Variants in GNA12 observed in about 807,000 individuals in gnomAD.
GNA12 encodes G protein subunit alpha 12.
In GNA12, 9 loss-of-function variants were observed where a neutral mutation model predicts 26.0. That is an observed-to-expected ratio of 0.35 (90% CI 0.21 to 0.60). The LOEUF is 0.60. Among genes scored for constraint, GNA12 ranks in the 20% least tolerant of loss-of-function variants. The pLI, the probability that GNA12 is intolerant of heterozygous loss-of-function variation, is 0.78. For synonymous variants in GNA12, 264 were observed against 219.6 expected (o/e 1.20, Z -1.79); for missense variants, 405 against 525.8 (o/e 0.77, Z 2.25).
In GNA12 at chr7:2,728,160, G is replaced by A. The variant is rs1357056050; in HGVS notation, c.*3021C>T. The A allele has an allele frequency of 2.0e-5, 3 of 152,278 alleles. No homozygotes were observed. Among genetic ancestry groups the A allele is most frequent in the Non-Finnish European group, 2.9e-5 (2 of 68,026 alleles). 9.4% of individuals were successfully genotyped at this position (152,278 alleles called of 1,614,324 possible). On this transcript the variant is annotated 3_prime_UTR_variant, in exon 4 of 4. Transcript: ENST00000275364. The stretch of plus-strand genomic sequence containing the variant: ...ATTTTAATAAACATTCAGAGGCTGA[G>A]GGTGGCCAAATTTTCAAGCCAGACC...
chr7:2,768,079 T>G (rs1180728161), intron 2 of GNA12, among the ~76,000 whole-genome samples: 1 of 152,222 alleles, frequency 6.6e-6, no homozygotes, highest in East Asian at 1.9e-4. Flanking sequence ...GGTCTCGAAC[T>G]CCTGACCTCA....
intron 2 of GNA12, among the ~76,000 whole-genome samples, chr7:2,787,593 A>G (rs937698990): frequency 6.6e-6 from 1 of 152,216 alleles, no homozygotes; most frequent in Non-Finnish European, 1.5e-5. Context: ...CCACTCTGGG[A>G]AGCTACGTTG....
At position 2,769,902 on chromosome 7, in the gene GNA12, G is replaced by A. The variant is rs537472155; in HGVS notation, c.525+25026C>T. 5.9e-5 allele frequency among the ~76,000 whole-genome samples: 9 copies of A among 152,256 alleles called. No homozygotes were observed. In the East Asian group the frequency reaches 1.7e-3, roughly 29 times the overall value. ...GAATTTTTTTCTGAATTTGATGGGT[G>A]AAAAGTGATATGTCATTACATTTTA... On this transcript the variant is annotated intron_variant, in intron 2 of 3. Transcript: ENST00000275364.
At chr7:2,734,163 A>C (rs899281322) in intron 2 of GNA12, among the ~76,000 whole-genome samples, 13 of 152,196 alleles carry the variant, frequency 8.5e-5, no homozygotes, top group Non-Finnish European at 1.5e-4. Flanking sequence ...GGCCCTGCGG[A>C]ATCACCCAGG....
chr7:2,735,501 C>T (rs992692416), intron 2 of GNA12, among the ~76,000 whole-genome samples: 1 of 152,164 alleles, frequency 6.6e-6, no homozygotes, highest in African/African-American at 2.4e-5. Context: ...GGAAAAGCAC[C>T]ACAGAGGGCA....
chr7:2,780,642 T>C (rs1003663835), intron 2 of GNA12, among the ~76,000 whole-genome samples: 5 of 152,214 alleles, frequency 3.3e-5, no homozygotes, highest in African/African-American at 4.8e-5. Context: ...TGTATGAATG[T>C]AAACACACTA....
intron 2 of GNA12, chr7:2,775,147 G>A (rs187273656): frequency 6.6e-6 from 1 of 152,276 alleles, no homozygotes; most frequent in Admixed American, 6.5e-5. Context: ...GGAGGAGGAC[G>A]CTAGAGAAAC....
chr7:2,828,101 G>C (rs566361597), intron 1 of GNA12, among the ~76,000 whole-genome samples: 1 of 152,094 alleles, frequency 6.6e-6, no homozygotes, highest in East Asian at 1.9e-4. Flanking sequence ...AAGATGTTGT[G>C]GTCTCCTTGG....
intron 1 of GNA12, among the ~76,000 whole-genome samples, chr7:2,813,244 T>C (rs1443447904): frequency 6.6e-6 from 1 of 152,234 alleles, no homozygotes; most frequent in Non-Finnish European, 1.5e-5. Flanking sequence ...ATTTTCAAGC[T>C]CTAAGATGAA....
At chr7:2,819,922 A>G (rs956913939) in intron 1 of GNA12, among the ~76,000 whole-genome samples, 3 of 152,212 alleles carry the variant, frequency 2.0e-5, no homozygotes, top group African/African-American at 4.8e-5. Context: ...AAACCCGCAC[A>G]TGGATGTTTA....
intron 2 of GNA12, among the ~76,000 whole-genome samples, chr7:2,766,343 T>C (rs1465492922): frequency 1.3e-5 from 2 of 151,948 alleles, no homozygotes; most frequent in Non-Finnish European, 2.9e-5. Context: ...TACTACATGC[T>C]GTTTACCTGT....
At position 2,729,330 on chromosome 7, in the gene GNA12, A is replaced by G. The variant is rs893523920; in HGVS notation, c.*1851T>C. The G allele has an allele frequency of 2.6e-5, 4 of 152,422 alleles. No homozygotes were observed. The highest frequency in any genetic ancestry group is 5.9e-5 in the Non-Finnish European group (4 of 68,080). 9.4% of individuals were successfully genotyped at this position (152,422 alleles called of 1,614,324 possible). On this transcript the variant is annotated 3_prime_UTR_variant, in exon 4 of 4. Coordinates refer to ENST00000275364, the MANE Select transcript of GNA12 (RefSeq NM_007353.3). ...CTGAGACCACCCCGAGGGCCCCACC[A>G]GGAGCTCTCTTTCTCCTTTAAAACG...
chr7:2,791,410 C>A (rs1035790803), intron 2 of GNA12, among the ~76,000 whole-genome samples: 4 of 152,246 alleles, frequency 2.6e-5, no homozygotes, highest in Admixed American at 1.3e-4. Flanking sequence ...TTTCCATCCC[C>A]CACCCCGGCC....
intron 2 of GNA12, among the ~76,000 whole-genome samples, chr7:2,734,384 G>A (rs567883230): frequency 1.3e-5 from 2 of 152,338 alleles, no homozygotes; most frequent in South Asian, 2.1e-4. Context: ...ACCAGCAGGC[G>A]GGGTCAAGGC....
At chr7:2,795,472 A>T (rs1792637818) in intron 1 of GNA12, among the ~76,000 whole-genome samples, 1 of 152,076 alleles carries the variant, frequency 6.6e-6, no homozygotes. Context: ...TTCTACAAAA[A>T]ATTAAATCAA....
chr7:2,748,822 C>T (rs1264462135), intron 2 of GNA12, among the ~76,000 whole-genome samples: 1 of 152,128 alleles, frequency 6.6e-6, no homozygotes, highest in South Asian at 2.1e-4. Flanking sequence ...AAGAAAAAAA[C>T]AAACAACCCC....
At chr7:2,809,256 G>C (rs1323878647) in intron 1 of GNA12, among the ~76,000 whole-genome samples, 5 of 152,118 alleles carry the variant, frequency 3.3e-5, no homozygotes, top group African/African-American at 1.2e-4. Flanking sequence ...GGCTCTACCT[G>C]TTGGCAGGAT....
intron 1 of GNA12, among the ~76,000 whole-genome samples, chr7:2,831,451 T>G (rs1018280193): frequency 3.0e-5 from 4 of 134,026 alleles, no homozygotes; most frequent in Admixed American, 8.0e-5. Context: ...TCGCCCAGGC[T>G]GGAGTGCAGT....
chr7:2,813,274 A>G (rs1210797199), intron 1 of GNA12, among the ~76,000 whole-genome samples: 1 of 152,246 alleles, frequency 6.6e-6, no homozygotes, highest in Non-Finnish European at 1.5e-5. Flanking sequence ...CAAACTATAA[A>G]TATTTATGAG....
Sources: gnomAD v4.1 joint callset for allele counts (sites outside exome capture counted in the v4.1 genomes callset) on GRCh38, gnomAD v4.1.1 for gene constraint, MANE v1.5 for transcripts, NCBI Gene and HGNC (gene_info 2026-07-23, HGNC 2026-07-21) for gene names.